NFASC: variants seen among roughly 807,000 people sequenced by gnomAD.
NFASC encodes the protein neurofascin homolog.
A neutral mutation model predicts 147.5 loss-of-function variants in NFASC; 43 were observed. The observed-to-expected ratio is 0.29, with a 90% CI of 0.23 to 0.38. The LOEUF (loss-of-function observed/expected upper bound fraction) is 0.38, where lower values mean the gene tolerates loss of function less well. Among genes scored for constraint, NFASC ranks in the 10% least tolerant of loss-of-function variants. NFASC has a pLI of 1.00. For synonymous variants in NFASC, 622 were observed against 665.5 expected (o/e 0.93, Z 1.01); for missense variants, 1,320 against 1,689.0 (o/e 0.78, Z 3.83).
intron 20 of NFASC, among the ~76,000 whole-genome samples, chr1:204,981,128 A>T (rs113973215): frequency 6.6e-6 from 1 of 152,232 alleles, no homozygotes; most frequent in African/African-American, 2.4e-5. Context: ...GTTTGGGATC[A>T]TGACCTTCCC....
chr1:204,879,292 G>A (rs1328175724), intron 1 of NFASC, among the ~76,000 whole-genome samples: 2 of 151,856 alleles, frequency 1.3e-5, no homozygotes, highest in Non-Finnish European at 2.9e-5. Context: ...GTTATGTGCC[G>A]ACGTACTTTA....
chr1:204,897,740 A>AT lies in NFASC; in HGVS notation c.-199-22883dup, dbSNP rs532197893. Among the ~76,000 whole-genome samples the AT allele has an allele frequency of 2.1e-4, 31 of 144,720 alleles. No homozygotes were observed. In the South Asian group the frequency reaches 5.8e-3, roughly 27 times the overall value. The allele number at this position is 144,720 out of a possible 152,430, so 94.9% of individuals were successfully genotyped here. ...AGGTGTGTGCCACCATGCTCAGCTA[A>AT]TTTTTTTTTGGGGGGGGCAGAGTCT... On this transcript the variant is annotated intron_variant, in intron 1 of 29. Transcript: ENST00000339876.
At chr1:204,889,786 T>A (rs1455218645) in intron 1 of NFASC, among the ~76,000 whole-genome samples, 2 of 152,046 alleles carry the variant, frequency 1.3e-5, no homozygotes, top group Non-Finnish European at 1.5e-5. Context: ...TGGTAATTGG[T>A]GAGATTTATC....
At chr1:204,924,347 C>G (rs1209663925) in intron 2 of NFASC, among the ~76,000 whole-genome samples, 1 of 152,220 alleles carries the variant, frequency 6.6e-6, no homozygotes, top group Admixed American at 6.5e-5. Flanking sequence ...TAGTTCTTTC[C>G]TCTCTATGCT....
chr1:205,004,810 C>G (rs554366564), intron 27 of NFASC, among the ~76,000 whole-genome samples: 5 of 152,270 alleles, frequency 3.3e-5, no homozygotes, highest in South Asian at 2.1e-4. Context: ...TATAGCAGTT[C>G]AGGAAGGAAA....
chr1:204,970,555 G>A (rs1443159818), intron 10 of NFASC, 61 bp from the exon 11 acceptor site: 8 of 1,600,480 alleles, frequency 5.0e-6, no homozygotes, highest in Non-Finnish European at 6.0e-6. Flanking sequence ...GAGACTGCTT[G>A]GTTTCTTCTG....
chr1:204,868,962 C>G (rs1558522596), intron 1 of NFASC, among the ~76,000 whole-genome samples: 2 of 152,254 alleles, frequency 1.3e-5, no homozygotes, highest in South Asian at 4.1e-4. Flanking sequence ...CTGACCTGGG[C>G]TGCTCACTCT....
chr1:204,855,484 C>T (rs1272788680), intron 1 of NFASC, among the ~76,000 whole-genome samples: 1 of 152,062 alleles, frequency 6.6e-6, no homozygotes, highest in Non-Finnish European at 1.5e-5. Context: ...CTAGGAAAGA[C>T]TGTGGTGGGA....
intron 2 of NFASC, among the ~76,000 whole-genome samples, chr1:204,936,739 T>C (rs772823790): frequency 3.6e-4 from 55 of 152,004 alleles, no homozygotes; most frequent in Non-Finnish European, 7.1e-4. Flanking sequence ...GCAGCCAGAG[T>C]GGTCTTTACA....
Position 204,950,700 on chromosome 1 carries a change from T to A in NFASC, c.109+126T>A. ...GGGGCCTCTTCATACCAGAGCCCTG[T>A]AGTGAGGTATCTTACTGCGGGGGAA... On this transcript the variant is annotated intron_variant, in intron 4 of 29. Coordinates refer to ENST00000339876, the MANE Select transcript of NFASC (RefSeq NM_001005388.3). 3 of 839,782 alleles carry A rather than the reference T, an allele frequency of 3.6e-6. No individual in the cohort carries two copies. The East Asian group carries it at 7.9e-5, about 22-fold the overall frequency. The allele number at this position is 839,782 out of a possible 1,614,324, so 52.0% of individuals were successfully genotyped here.
chr1:204,838,297 A>G (rs16854494), intron 1 of NFASC, among the ~76,000 whole-genome samples: 5,952 of 152,318 alleles, frequency 0.039, 317 homozygotes, highest in African/African-American at 0.12. Flanking sequence ...CTATAGAGTC[A>G]GAATCTTTGA....
chr1:204,841,284 A>G (rs765336024), intron 1 of NFASC, among the ~76,000 whole-genome samples: 2 of 152,250 alleles, frequency 1.3e-5, no homozygotes, highest in Non-Finnish European at 2.9e-5. Flanking sequence ...CTTGCCCCAC[A>G]TAGCACATGG....
At chr1:204,993,268 T>G (rs1363911495) in intron 24 of NFASC, among the ~76,000 whole-genome samples, 1 of 152,236 alleles carries the variant, frequency 6.6e-6, no homozygotes, top group Non-Finnish European at 1.5e-5. Context: ...GCTGCCCGTC[T>G]GTCTGACAAT....
rs949180737 is a variant in NFASC, at chr1:205,017,405, G to C, written c.*866G>C. 1 of 152,902 alleles carries C rather than the reference G, an allele frequency of 6.5e-6. No individual in the cohort carries two copies. The highest frequency in any genetic ancestry group is 1.5e-5 in the Non-Finnish European group (1 of 68,458). The allele number at this position is 152,902 out of a possible 1,614,324, so 9.5% of individuals were successfully genotyped here. ...AAAGGACTTCAACGCCAGTGACTGT[G>C]TACCTCCAGCAGAAGAAAATCAGGT... On this transcript the variant is annotated 3_prime_UTR_variant, in exon 30 of 30. Coordinates refer to ENST00000339876, the MANE Select transcript of NFASC (RefSeq NM_001005388.3).
At chr1:204,832,169 C>T (rs146295897) in intron 1 of NFASC, among the ~76,000 whole-genome samples, 7 of 151,962 alleles carry the variant, frequency 4.6e-5, no homozygotes, top group South Asian at 2.1e-4. Flanking sequence ...AAGGTGAACC[C>T]GGCTAGATGT....
In NFASC at chr1:204,850,221, C is replaced by T. The variant is rs74561497; in HGVS notation, c.-200+21439C>T. 2.4e-3 allele frequency among the ~76,000 whole-genome samples: 360 copies of T among 152,318 alleles called. 2 individuals carry two copies. The highest frequency in any genetic ancestry group is 8.3e-3 in the African/African-American group (343 of 41,572). On this transcript the variant is annotated intron_variant, in intron 1 of 29. Coordinates refer to ENST00000339876, the MANE Select transcript of NFASC (RefSeq NM_001005388.3). ...TGGTGAACAGAACTCCTTTCCCAGC[C>T]TGAGATTTTACAACTCTGGGGGCTT...
intron 22 of NFASC, 57 bp from the exon 23 acceptor site, chr1:204,988,576 T>G (rs927168268): frequency 2.3e-5 from 35 of 1,496,052 alleles, no homozygotes; most frequent in Non-Finnish European, 3.2e-5. Context: ...TTGCAGATTA[T>G]ATAACCCATC....
intron 1 of NFASC, among the ~76,000 whole-genome samples, chr1:204,849,296 C>T (rs143407023): frequency 1.3e-5 from 2 of 152,260 alleles, no homozygotes; most frequent in Non-Finnish European, 1.5e-5. Flanking sequence ...CTTGTGTTAG[C>T]GAATACCATC....
intron 4 of NFASC, among the ~76,000 whole-genome samples, chr1:204,951,183 C>T (rs973909770): frequency 5.5e-5 from 8 of 144,236 alleles, no homozygotes; most frequent in Non-Finnish European, 1.0e-4. Flanking sequence ...GAGTCTCGCT[C>T]TATCGCCCAG....
Sources: allele counts gnomAD v4.1 joint callset (sites outside exome capture counted in the v4.1 genomes callset), GRCh38; gene constraint gnomAD v4.1.1; transcripts MANE v1.5; gene names NCBI Gene and HGNC (gene_info 2026-07-23, HGNC 2026-07-21).